The following ENTREP2 variants were observed in gnomAD, a reference collection of about 807,000 sequenced individuals.
The protein encoded by ENTREP2 is protein ENTREP2.
chr15:29,189,964 G>A, the ENTREP2 span, among the ~76,000 whole-genome samples: 1 of 152,286 alleles, frequency 6.6e-6, no homozygotes, highest in East Asian at 1.9e-4. Context: ...CTTTGAGAAG[G>A]CAGATACTGA....
chr15:29,444,230 GAAAGA>G, the ENTREP2 span, among the ~76,000 whole-genome samples: 1 of 147,308 alleles, frequency 6.8e-6, no homozygotes, highest in African/African-American at 2.5e-5. Context: ...AAGAAAGAAA[GAAAGA>G]AAGAAAGAAA....
At chr15:29,543,647 C>T in the ENTREP2 span, among the ~76,000 whole-genome samples, 2 of 152,046 alleles carry the variant, frequency 1.3e-5, no homozygotes, top group Non-Finnish European at 2.9e-5. Context: ...GGTGTGGTGG[C>T]GGGCACCTGT....
chr15:29,248,896 T>C, the ENTREP2 span, among the ~76,000 whole-genome samples: 2 of 152,184 alleles, frequency 1.3e-5, no homozygotes, highest in Non-Finnish European at 2.9e-5. Flanking sequence ...TTAGGAGCTG[T>C]AAAAAGGATT....
At chr15:29,579,652 T>C in the ENTREP2 span, among the ~76,000 whole-genome samples, 1 of 145,710 alleles carries the variant, frequency 6.9e-6, no homozygotes, top group Non-Finnish European at 1.5e-5. Context: ...CCAGAGTAGC[T>C]GGGACTACAC....
the ENTREP2 span, among the ~76,000 whole-genome samples, chr15:29,648,945 AAAC>A: frequency 2.0e-5 from 3 of 151,750 alleles, no homozygotes; most frequent in Non-Finnish European, 2.9e-5. Flanking sequence ...TAAAAAAAAA[AAAC>A]AACAACAAAA....
At chr15:29,428,429 G>C in the ENTREP2 span, among the ~76,000 whole-genome samples, 1 of 152,010 alleles carries the variant, frequency 6.6e-6, no homozygotes, top group African/African-American at 2.4e-5. Flanking sequence ...TGACCAGGCT[G>C]GTCTTGAACT....
the ENTREP2 span, among the ~76,000 whole-genome samples, chr15:29,615,311 A>G: frequency 6.6e-6 from 1 of 151,998 alleles, no homozygotes; most frequent in African/African-American, 2.4e-5. Context: ...ACACACCACC[A>G]TGCTGGGCTA....
At chr15:29,394,264 C>A in the ENTREP2 span, among the ~76,000 whole-genome samples, 2 of 152,058 alleles carry the variant, frequency 1.3e-5, no homozygotes, top group Admixed American at 6.5e-5. Flanking sequence ...CAATGGGATT[C>A]TTTGAAGGTT....
At chr15:29,420,750 G>C in the ENTREP2 span, among the ~76,000 whole-genome samples, 1 of 152,138 alleles carries the variant, frequency 6.6e-6, no homozygotes, top group South Asian at 2.1e-4. Flanking sequence ...ACAGCTACTT[G>C]AAAACAGATT....
chr15:29,621,874 A>G, the ENTREP2 span, among the ~76,000 whole-genome samples: 1 of 152,226 alleles, frequency 6.6e-6, no homozygotes, highest in Non-Finnish European at 1.5e-5. Context: ...GCATCCATCC[A>G]CAGACAAGTA....
At chr15:29,320,332 GAAAT>G in the ENTREP2 span, among the ~76,000 whole-genome samples, 9 of 152,130 alleles carry the variant, frequency 5.9e-5, no homozygotes, top group Non-Finnish European at 1.2e-4. Context: ...AAAAACAAGA[GAAAT>G]AGGTGAATTT....
At chr15:29,367,296 C>T in the ENTREP2 span, among the ~76,000 whole-genome samples, 19 of 152,158 alleles carry the variant, frequency 1.2e-4, no homozygotes, top group African/African-American at 3.9e-4. Context: ...GGATCTTTTC[C>T]AAAGTCCCAT....
At chr15:29,553,075 C>G in the ENTREP2 span, among the ~76,000 whole-genome samples, 1 of 152,336 alleles carries the variant, frequency 6.6e-6, no homozygotes, top group Non-Finnish European at 1.5e-5. Flanking sequence ...GCGGGCAGAT[C>G]GTTTGAGGCC....
chr15:29,257,115 G>A, the ENTREP2 span, among the ~76,000 whole-genome samples: 1 of 151,010 alleles, frequency 6.6e-6, no homozygotes, highest in East Asian at 1.9e-4. Flanking sequence ...CTCTTGTTGT[G>A]CAGGCTGGAG....
chr15:29,433,375 C>A, the ENTREP2 span, among the ~76,000 whole-genome samples: 2 of 152,182 alleles, frequency 1.3e-5, no homozygotes, highest in Non-Finnish European at 2.9e-5. Flanking sequence ...CCTTTTTGAA[C>A]TAATGGTAGA....
At chr15:29,580,220 C>A in the ENTREP2 span, among the ~76,000 whole-genome samples, 1 of 152,092 alleles carries the variant, frequency 6.6e-6, no homozygotes, top group African/African-American at 2.4e-5. Flanking sequence ...ATCACCTTTG[C>A]AAATTCTATC....
At chr15:29,307,861 T>C in the ENTREP2 span, among the ~76,000 whole-genome samples, 1 of 152,174 alleles carries the variant, frequency 6.6e-6, no homozygotes, top group Non-Finnish European at 1.5e-5. Flanking sequence ...CTTTCCAGCC[T>C]CCAGAACTGA....
chr15:29,394,218 T>A, the ENTREP2 span, among the ~76,000 whole-genome samples: 3 of 152,304 alleles, frequency 2.0e-5, no homozygotes, highest in African/African-American at 7.2e-5. Flanking sequence ...TTCTCTATAT[T>A]CATAAATTAA....
the ENTREP2 span, among the ~76,000 whole-genome samples, chr15:29,424,709 G>A: frequency 6.6e-6 from 1 of 152,204 alleles, no homozygotes; most frequent in South Asian, 2.1e-4. Flanking sequence ...ACACCAGGCA[G>A]TGCCCCAGGA....
Sources: allele counts gnomAD v4.1 joint callset (sites outside exome capture counted in the v4.1 genomes callset), GRCh38; gene constraint gnomAD v4.1.1; transcripts MANE v1.5; gene names NCBI Gene and HGNC (gene_info 2026-07-23, HGNC 2026-07-21).